Variants in SPTLC2 observed in about 807,000 individuals in gnomAD.
The protein encoded by SPTLC2 is serine palmitoyltransferase 2.
SPTLC2 carries 21 observed loss-of-function variants against 62.0 expected under a neutral mutation model. The ratio of observed to expected loss-of-function variants is 0.34; its 90% CI spans 0.24 to 0.49. The LOEUF (loss-of-function observed/expected upper bound fraction) is 0.49, where lower values mean the gene tolerates loss of function less well. Ranked by LOEUF, SPTLC2 falls within the 20% of genes least tolerant of loss-of-function variation. The pLI, the probability that SPTLC2 is intolerant of heterozygous loss-of-function variation, is 0.99. For synonymous variants in SPTLC2, 261 were observed against 261.8 expected, an observed-to-expected ratio of 1.00 and a Z score of 0.03; for missense variants, 511 against 713.0, an observed-to-expected ratio of 0.72 and a Z score of 3.23.
intron 9 of SPTLC2, among the ~76,000 whole-genome samples, chr14:77,546,639 A>T (rs2079529532): frequency 2.6e-5 from 4 of 152,182 alleles, no homozygotes; most frequent in Admixed American, 2.6e-4. Flanking sequence ...AAAGGCAAAG[A>T]TCACCTATTG....
At chr14:77,577,890 ACT>A (rs1267620627) in intron 3 of SPTLC2, among the ~76,000 whole-genome samples, 22 of 152,180 alleles carry the variant, frequency 1.4e-4, no homozygotes, top group African/African-American at 5.3e-4. Context: ...ACAGAGCAAG[ACT>A]CTGACACTTT....
intron 4 of SPTLC2, among the ~76,000 whole-genome samples, chr14:77,575,595 G>A (rs759824055): frequency 2.0e-5 from 3 of 152,184 alleles, no homozygotes; most frequent in African/African-American, 4.8e-5. Context: ...GCAGTAGCAC[G>A]ATCATAGCTC....
intron 8 of SPTLC2, 127 bp from the exon 9 acceptor site, chr14:77,552,349 G>C: frequency 8.7e-7 from 1 of 1,151,092 alleles, no homozygotes; most frequent in Non-Finnish European, 1.3e-6. Context: ...ACTAATCTGA[G>C]ATACAAGGTC....
At chr14:77,614,547 C>T (rs2079955082) in intron 1 of SPTLC2, among the ~76,000 whole-genome samples, 1 of 151,894 alleles carries the variant, frequency 6.6e-6, no homozygotes, top group African/African-American at 2.4e-5. Context: ...GCCTGTAGGC[C>T]CAGCTACTTG....
chr14:77,571,359 A>C (rs1207790602), intron 4 of SPTLC2, among the ~76,000 whole-genome samples: 1 of 151,982 alleles, frequency 6.6e-6, no homozygotes, highest in Non-Finnish European at 1.5e-5. Flanking sequence ...AAAATACAAA[A>C]ATTAGCCAGG....
rs1183387843 is a variant in SPTLC2 at position 77,506,063 on chromosome 14, A to T, written c.*6221T>A. ...CATGGGATGCTTCTTAAGTCATCTCAAGTAGTTCCCCTTCAGTTCTTAACA... is the reference window on the plus strand; with the variant it reads ...CATGGGATGCTTCTTAAGTCATCTCTAGTAGTTCCCCTTCAGTTCTTAACA... On this transcript the variant is annotated 3_prime_UTR_variant, in exon 12 of 12. Transcript: ENST00000216484. 6.6e-6 allele frequency: 1 copy of T among 152,194 alleles called. No homozygotes were observed. 9.4% of individuals were successfully genotyped at this position (152,194 alleles called of 1,614,324 possible).
chr14:77,558,759 T>C (rs896234747), intron 6 of SPTLC2, among the ~76,000 whole-genome samples: 1 of 151,834 alleles, frequency 6.6e-6, no homozygotes, highest in Non-Finnish European at 1.5e-5. Context: ...GTAGCTGGGA[T>C]TACAGGTGCA....
intron 1 of SPTLC2, among the ~76,000 whole-genome samples, chr14:77,606,198 C>T (rs2079904034): frequency 6.6e-6 from 1 of 152,160 alleles, no homozygotes; most frequent in African/African-American, 2.4e-5. Context: ...GGCATGGTGG[C>T]GCACGCCCAT....
chr14:77,546,557 G>C (rs1413436838), intron 9 of SPTLC2, among the ~76,000 whole-genome samples: 1 of 152,074 alleles, frequency 6.6e-6, no homozygotes, highest in African/African-American at 2.4e-5. Context: ...GCTGAACAAA[G>C]GAAGAATTTA....
chr14:77,535,871 G>A (rs964059396), intron 9 of SPTLC2: 2 of 420,856 alleles, frequency 4.8e-6, no homozygotes, highest in Non-Finnish European at 4.6e-6. Flanking sequence ...AATGAGATAT[G>A]GAGAAGTAGA....
intron 9 of SPTLC2, among the ~76,000 whole-genome samples, chr14:77,546,362 T>C (rs1456102652): frequency 6.6e-6 from 1 of 152,242 alleles, no homozygotes; most frequent in Non-Finnish European, 1.5e-5. Flanking sequence ...GCTGATAATT[T>C]ACTAGAGTGA....
In SPTLC2 at chr14:77,506,484, T is replaced by C. The variant is rs1485396489; in HGVS notation, c.*5800A>G. 6.6e-6 allele frequency: 1 copy of C among 152,266 alleles called. No homozygotes were observed. The highest frequency in any genetic ancestry group is 1.5e-5 in the Non-Finnish European group (1 of 68,058). 9.4% of individuals were successfully genotyped at this position (152,266 alleles called of 1,614,324 possible). On this transcript the variant is annotated 3_prime_UTR_variant, in exon 12 of 12. Coordinates refer to ENST00000216484, the MANE Select transcript of SPTLC2 (RefSeq NM_004863.4). ...TGTTACAGAGAGGGATCATCAAGAC[T>C]GTGTGGACATGCTAGCTGAATTGAC...
chr14:77,597,978 T>C (rs7158771), intron 1 of SPTLC2, among the ~76,000 whole-genome samples: 88,098 of 151,804 alleles, frequency 0.58, 25,870 homozygotes, highest in South Asian at 0.69. Context: ...CAAAACTAGG[T>C]GGGTGTGGTG....
intron 6 of SPTLC2, among the ~76,000 whole-genome samples, chr14:77,561,611 CAAA>C (rs1187006995): frequency 5.2e-5 from 5 of 96,466 alleles, no homozygotes; most frequent in African/African-American, 6.8e-5. Flanking sequence ...ACTCTAGCCT[CAAA>C]AAAAAAAAAA....
chr14:77,585,609 G>A (rs1484278121), intron 2 of SPTLC2, among the ~76,000 whole-genome samples: 3 of 152,142 alleles, frequency 2.0e-5, no homozygotes, highest in Non-Finnish European at 2.9e-5. Flanking sequence ...CTCAAGGTCA[G>A]GATGATTTAA....
In SPTLC2 at chr14:77,549,212, C is replaced by T. The variant is rs144299541; in HGVS notation, c.1303+2884G>A. On this transcript the variant is annotated intron_variant, in intron 9 of 11. Coordinates refer to ENST00000216484, the MANE Select transcript of SPTLC2 (RefSeq NM_004863.4). Reference sequence around the variant, plus strand: ...TGTTTAAAAAAGCATGGTACTTCTCCTTGAGACTGCATCTCAAAAAAAAAA... The same window carrying T: ...TGTTTAAAAAAGCATGGTACTTCTCTTTGAGACTGCATCTCAAAAAAAAAA... Among the ~76,000 whole-genome samples the T allele has an allele frequency of 1.5e-4, 20 of 131,606 alleles. No homozygotes were observed. The East Asian group carries it at 2.5e-3, about 17-fold the overall frequency. 86.3% of individuals were successfully genotyped at this position (131,606 alleles called of 152,430 possible). A position where few individuals can be genotyped will look rare whatever the true frequency, so the allele number is the denominator to read the frequency against.
chr14:77,614,713 GTAA>G (rs1357639246), intron 1 of SPTLC2, among the ~76,000 whole-genome samples: 2 of 150,872 alleles, frequency 1.3e-5, no homozygotes, highest in African/African-American at 4.9e-5. Flanking sequence ...TGGTGCGCCT[GTAA>G]TCCCAGCACT....
At chr14:77,513,296 A>G (rs1382975385) in intron 11 of SPTLC2, among the ~76,000 whole-genome samples, 2 of 152,186 alleles carry the variant, frequency 1.3e-5, no homozygotes, top group Non-Finnish European at 1.5e-5. Flanking sequence ...GATTACAGGC[A>G]TGAGCCACCA....
intron 9 of SPTLC2, among the ~76,000 whole-genome samples, chr14:77,526,658 G>A (rs570900784): frequency 1.3e-5 from 2 of 152,242 alleles, no homozygotes; most frequent in South Asian, 4.1e-4. Context: ...TAAATATGTA[G>A]TTAATTTCTT....
Sources: allele counts gnomAD v4.1 joint callset (sites outside exome capture counted in the v4.1 genomes callset), GRCh38; gene constraint gnomAD v4.1.1; transcripts MANE v1.5; gene names NCBI Gene and HGNC (gene_info 2026-07-23, HGNC 2026-07-21).